C15orf39: variants seen among roughly 807,000 people sequenced by gnomAD.
The protein encoded by C15orf39 is uncharacterized protein C15orf39.
A neutral mutation model predicts 53.9 loss-of-function variants in C15orf39; 24 were observed. The ratio of observed to expected loss-of-function variants is 0.45; its 90% CI spans 0.32 to 0.63. The LOEUF is 0.63. C15orf39 is among the 20% of genes least tolerant of loss of function. C15orf39 has a pLI of 0.04. For missense variants in C15orf39, 1,271 were observed against 1,347.9 expected, an observed-to-expected ratio of 0.94 and a Z score of 0.89; for synonymous variants, 569 against 576.5, an observed-to-expected ratio of 0.99 and a Z score of 0.19.
At position 75,208,035 on chromosome 15, in the gene C15orf39, C is replaced by T; in HGVS notation, c.1987C>T (p.Pro663Ser). Residue 663 changes from proline (P) to serine (S), a missense_variant, in exon 2 of 3, where the codon CCT (proline) becomes TCT (serine). By Grantham distance (74) the Pro-to-Ser change is moderately conservative. Coordinates refer to ENST00000394987, the MANE Select transcript of C15orf39 (RefSeq NM_015492.5). ...KFKILRPAPLPAAVVPSTPTS... is the reference protein window; with the variant it reads ...KFKILRPAPLSAAVVPSTPTS... ...CAAGATCCTCCGTCCGGCACCTTTG[C>T]CTGCAGCCGTGGTCCCGTCCACGCC... is the stretch of plus-strand genomic sequence containing the variant. The T allele has an allele frequency of 6.2e-7, 1 of 1,614,074 alleles. No homozygotes were observed. The highest frequency in any genetic ancestry group is 1.1e-5 in the South Asian group (1 of 91,084).
Position 75,206,702 on chromosome 15 carries a change from G to T in C15orf39, c.654G>T (p.Gln218His). The T allele has an allele frequency of 6.2e-7, 1 of 1,613,728 alleles. No homozygotes were observed. The highest frequency in any genetic ancestry group is 8.5e-7 in the Non-Finnish European group (1 of 1,179,974). The change falls in exon 2 of 3, where the codon CAG becomes CAT. Residue 218 changes from glutamine to histidine, a missense_variant. By Grantham distance (24) the Gln-to-His change is conservative (BLOSUM62 0). Around this residue, in one of 2 missense-constraint regions of C15orf39, gnomAD observed 994 missense variants for 993.7 expected, o/e 1.00. Transcript: ENST00000394987. Reference protein sequence around the residue: ...SPCQPFLEKYQTIHSTGFLAS... With the variant: ...SPCQPFLEKYHTIHSTGFLAS... ...GCCAGCCCTTCCTGGAGAAATATCA[G>T]ACCATCCACAGCACGGGCTTCCTGG...
In C15orf39 at chr15:75,207,405, C is replaced by T. The variant is rs1289052717; in HGVS notation, c.1357C>T (p.Arg453Trp). 8.1e-6 allele frequency: 13 copies of T among 1,613,278 alleles called. No individual in the cohort carries two copies. Among genetic ancestry groups the T allele is most frequent in the South Asian group, 2.2e-5 (2 of 91,086 alleles). Reference sequence around the variant, plus strand: ...CTGCAGGAAAGAGAAGCTCCAGCCCCGGCTCAGTGAGCACTCTGGGCCGCC... The same window carrying T: ...CTGCAGGAAAGAGAAGCTCCAGCCCTGGCTCAGTGAGCACTCTGGGCCGCC... Reference protein sequence around the residue: ...PSCRKEKLQPRLSEHSGPPIV... With the variant: ...PSCRKEKLQPWLSEHSGPPIV... The change falls in exon 2 of 3, where the codon CGG (arginine) becomes TGG (tryptophan). Residue 453 changes from arginine to tryptophan, a missense_variant. By Grantham distance (101) the Arg-to-Trp change is moderately radical (BLOSUM62 -3). This residue lies in a region of C15orf39 where 994 missense variants were observed against 993.7 expected (regional missense o/e 1.00). Transcript: ENST00000394987.
chr15:75,208,832 TG>T lies in C15orf39; in HGVS notation c.2776+12del. ...GTGTACGCCGCCAGCTGGGTGAGCA[TG>T]GGGCAGCCCCAGTGGCCACCGGAGC... On this transcript the variant is annotated intron_variant, in intron 2 of 2. Coordinates refer to ENST00000394987, the MANE Select transcript of C15orf39 (RefSeq NM_015492.5). 6.3e-7 allele frequency: 1 copy of T among 1,583,154 alleles called. No homozygotes were observed. Among genetic ancestry groups the T allele is most frequent in the Non-Finnish European group, 8.6e-7 (1 of 1,166,064 alleles).
Position 75,208,568 on chromosome 15 carries a change from C to A in C15orf39, c.2520C>A (p.Gly840=), listed in dbSNP as rs748746702. The part of the protein sequence containing the change: ...RCPFPHVVRA[G]AIFVPIHLVK... ...CCTTCCCCCATGTGGTGCGAGCTGG[C>A]GCCATCTTCGTGCCCATTCACCTGG... The change falls in exon 2 of 3, where the codon GGC becomes GGA. Residue 840 remains glycine (G), a synonymous_variant. Coordinates refer to ENST00000394987, the MANE Select transcript of C15orf39 (RefSeq NM_015492.5). 17 of 1,572,960 alleles carry A rather than the reference C, an allele frequency of 1.1e-5. No homozygotes were observed. In the Admixed American group the frequency reaches 2.4e-4, roughly 22 times the overall value.
Position 75,207,287 on chromosome 15 carries a change from C to G in C15orf39, c.1239C>G (p.Phe413Leu), listed in dbSNP as rs990858823. 8.1e-6 allele frequency: 13 copies of G among 1,613,374 alleles called. No homozygotes were observed. In the African/African-American group the frequency reaches 1.2e-4, roughly 15 times the overall value. ...GGGCTGTGCCACAGCCTGGTGCCTT[C>G]CAGAGGGCATGCCAGCCTTTGCCAG... ...NVRAVPQPGA[F>L]QRACQPLPAS... is the part of the protein sequence containing the mutation. Residue 413 changes from phenylalanine to leucine, a missense_variant, in exon 2 of 3, where the codon TTC becomes TTG. Physicochemically the swap from Phe to Leu is conservative, Grantham distance 22 (BLOSUM62 0). This residue lies in a region of C15orf39 where 994 missense variants were observed against 993.7 expected (regional missense o/e 1.00). Transcript: ENST00000394987.
chr15:75,208,037 T>G lies in C15orf39; in HGVS notation c.1989T>G (p.Pro663=). 1.9e-6 allele frequency: 3 copies of G among 1,614,076 alleles called. No individual in the cohort carries two copies. The highest frequency in any genetic ancestry group is 2.5e-6 in the Non-Finnish European group (3 of 1,180,026). ...KFKILRPAPL[P]AAVVPSTPTS... ...AGATCCTCCGTCCGGCACCTTTGCC[T>G]GCAGCCGTGGTCCCGTCCACGCCCA... is the stretch of plus-strand genomic sequence containing the variant. The change falls in exon 2 of 3, where the codon CCT becomes CCG. Residue 663 remains proline, a synonymous_variant. Coordinates refer to ENST00000394987, the MANE Select transcript of C15orf39 (RefSeq NM_015492.5).
At position 75,202,786 on chromosome 15, in the gene C15orf39, G is replaced by A. The variant is rs564695521; in HGVS notation, c.-51+727G>A. Among the ~76,000 whole-genome samples, 195 of 152,380 alleles carry A rather than the reference G, an allele frequency of 1.3e-3. 1 individual carries two copies. The Middle Eastern group carries it at 0.027, about 21-fold the overall frequency. ...GGGCCATGCACGTACGTGCAGGCAC[G>A]GGTTTGCATGCGTGGCGGCGGCCTG... is the stretch of plus-strand genomic sequence containing the variant. On this transcript the variant is annotated intron_variant, in intron 1 of 2. Transcript: ENST00000394987.
At chr15:75,202,666 T>G (rs2070412521) in intron 1 of C15orf39, among the ~76,000 whole-genome samples, 1 of 148,310 alleles carries the variant, frequency 6.7e-6, no homozygotes, top group African/African-American at 2.6e-5. Flanking sequence ...GGCGTCGGTG[T>G]GGGGCTGGGT....
At chr15:75,205,237 T>C (rs1280669516) in intron 1 of C15orf39, among the ~76,000 whole-genome samples, 2 of 152,234 alleles carry the variant, frequency 1.3e-5, no homozygotes, top group African/African-American at 4.8e-5. Flanking sequence ...CTGTGGCATC[T>C]TGGAATAGGA....
At position 75,206,350 on chromosome 15, in the gene C15orf39, C is replaced by G. The variant is rs1382829734; in HGVS notation, c.302C>G (p.Pro101Arg). ...TTCTACCGCTCGCCAGCAGAAGGCC[C>G]TGAGAAGATGCAGGACTCCAGCCCT... Reference protein sequence around the residue: ...CLFYRSPAEGPEKMQDSSPVE... With the variant: ...CLFYRSPAEGREKMQDSSPVE... The change falls in exon 2 of 3, where the codon CCT becomes CGT. Residue 101 changes from proline (P) to arginine (R), a missense_variant. Pro to Arg is a moderately radical substitution (Grantham distance 103). Around this residue, in one of 2 missense-constraint regions of C15orf39, gnomAD observed 994 missense variants for 993.7 expected, o/e 1.00. Coordinates refer to ENST00000394987, the MANE Select transcript of C15orf39 (RefSeq NM_015492.5). 4.3e-6 allele frequency: 7 copies of G among 1,613,984 alleles called. No individual in the cohort carries two copies. Among genetic ancestry groups the G allele is most frequent in the Non-Finnish European group, 5.9e-6 (7 of 1,180,016 alleles).
Position 75,207,080 on chromosome 15 carries a change from C to G in C15orf39, c.1032C>G (p.Pro344=), listed in dbSNP as rs141958294. 8.1e-6 allele frequency: 13 copies of G among 1,612,180 alleles called. No homozygotes were observed. The highest frequency in any genetic ancestry group is 1.1e-5 in the Non-Finnish European group (13 of 1,179,452). The change falls in exon 2 of 3, where the codon CCC becomes CCG. Residue 344 remains proline, a synonymous_variant. Transcript: ENST00000394987. ...CCCCACTGGGGCTGGACGCTTACCCCTACCCCTCTGCCCCTCTCCCAGCAC... is the reference window on the plus strand; with the variant it reads ...CCCCACTGGGGCTGGACGCTTACCCGTACCCCTCTGCCCCTCTCCCAGCAC... ...YIPPLGLDAY[P]YPSAPLPAPS...
At position 75,210,181 on chromosome 15, in the gene C15orf39, G is replaced by A. The variant is rs534180164; in HGVS notation, c.2777-568G>A. Among the ~76,000 whole-genome samples the A allele has an allele frequency of 4.6e-5, 7 of 152,258 alleles. No individual in the cohort carries two copies. In the East Asian group the frequency reaches 1.4e-3, roughly 29 times the overall value. ...CTGGGAAGCAAGTGATTGAGACCAG[G>A]CTTCTGGCTTCTGGCTGAATTTTGT... On this transcript the variant is annotated intron_variant, in intron 2 of 2. Transcript: ENST00000394987.
At chr15:75,200,977 G>C (rs1045354129), upstream of C15orf39, among the ~76,000 whole-genome samples, 2 of 151,942 alleles carry the variant, frequency 1.3e-5, no homozygotes, top group Non-Finnish European at 2.9e-5. Flanking sequence ...CTTACCTTTG[G>C]GATCTGAGGG....
At position 75,206,826 on chromosome 15, in the gene C15orf39, C is replaced by A. The variant is rs754120764; in HGVS notation, c.778C>A (p.Pro260Thr). ...WTQLAQPLGP[P>T]CQDTGPTHYP... ...CCAGCTGGCCCAGCCCCTGGGGCCACCCTGTCAGGACACCGGGCCCACCCA... is the reference window on the plus strand; with the variant it reads ...CCAGCTGGCCCAGCCCCTGGGGCCAACCTGTCAGGACACCGGGCCCACCCA... The change falls in exon 2 of 3, where the codon CCC becomes ACC. Residue 260 changes from proline to threonine, a missense_variant. Coordinates refer to ENST00000394987, the MANE Select transcript of C15orf39 (RefSeq NM_015492.5). 6.2e-7 allele frequency: 1 copy of A among 1,602,646 alleles called. No individual in the cohort carries two copies. The highest frequency in any genetic ancestry group is 1.1e-5 in the South Asian group (1 of 89,216).
chr15:75,203,427 AGGCACCTACATTTT>A (rs1233534114), intron 1 of C15orf39, among the ~76,000 whole-genome samples: 7 of 152,290 alleles, frequency 4.6e-5, no homozygotes, highest in African/African-American at 1.7e-4. Flanking sequence ...TCAGGGAAGG[AGGCACCTACATTTT>A]GGCAACTGTC....
chr15:75,209,708 T>A (rs1465454645), intron 2 of C15orf39: 1 of 152,232 alleles, frequency 6.6e-6, no homozygotes, highest in Non-Finnish European at 1.5e-5. Context: ...CTAGTTTTTC[T>A]CTCCCTGCTG....
chr15:75,206,852 C>T lies in C15orf39; in HGVS notation c.804C>T (p.His268=). Residue 268 remains histidine, a synonymous_variant, in exon 2 of 3, where the codon CAC becomes CAT. Coordinates refer to ENST00000394987, the MANE Select transcript of C15orf39 (RefSeq NM_015492.5). ...GPPCQDTGPT[H]YPPPHHPPPH... ...CCTGTCAGGACACCGGGCCCACCCA[C>T]TACCCACCACCCCACCACCCACCAC... The T allele has an allele frequency of 1.3e-6, 2 of 1,556,624 alleles. No individual in the cohort carries two copies. The highest frequency in any genetic ancestry group is 1.7e-6 in the Non-Finnish European group (2 of 1,153,888).
chr15:75,207,879 A>T lies in C15orf39; in HGVS notation c.1831A>T (p.Met611Leu). 1 of 1,613,658 alleles carries T rather than the reference A, an allele frequency of 6.2e-7. No individual in the cohort carries two copies. Among genetic ancestry groups the T allele is most frequent in the Non-Finnish European group, 8.5e-7 (1 of 1,180,008 alleles). The change falls in exon 2 of 3, where the codon ATG becomes TTG. Residue 611 changes from methionine to leucine, a missense_variant. Met to Leu is a conservative substitution (Grantham distance 15). Coordinates refer to ENST00000394987, the MANE Select transcript of C15orf39 (RefSeq NM_015492.5). ...AAMDVPDVGNMVSDLPGLKKI... is the reference protein window; with the variant it reads ...AAMDVPDVGNLVSDLPGLKKI... The stretch of plus-strand genomic sequence containing the variant: ...CATGGATGTGCCAGATGTGGGCAAC[A>T]TGGTGTCAGATCTGCCAGGCCTGAA...
chr15:75,198,930 C>A (rs1208331544), upstream of C15orf39: 1 of 152,234 alleles, frequency 6.6e-6, no homozygotes, highest in Non-Finnish European at 1.5e-5. Flanking sequence ...GGGATTGCAA[C>A]TACCATGCAG....
Sources: allele counts gnomAD v4.1 joint callset (sites outside exome capture counted in the v4.1 genomes callset), GRCh38; gene constraint gnomAD v4.1.1; regional missense constraint gnomAD v4.1.1; transcripts MANE v1.5; gene names NCBI Gene and HGNC (gene_info 2026-07-23, HGNC 2026-07-21).